STXBP5L: variants seen among roughly 807,000 people sequenced by gnomAD.
STXBP5L encodes the protein syntaxin-binding protein 5-like.
STXBP5L carries 65 observed loss-of-function variants against 144.5 expected under a neutral mutation model. The observed-to-expected ratio is 0.45, with a 90% CI of 0.37 to 0.55. The LOEUF is 0.55. STXBP5L is among the 20% of genes least tolerant of loss of function. STXBP5L has a pLI of 0.00. For synonymous variants in STXBP5L, 505 were observed against 469.6 expected (o/e 1.08, Z -0.97); for missense variants, 1,298 against 1,405.5 (o/e 0.92, Z 1.22).
At position 121,423,902 on chromosome 3, in the gene STXBP5L, A is replaced by G. The variant is rs1384223983; in HGVS notation, c.*4805A>G. On this transcript the variant is annotated 3_prime_UTR_variant, in exon 27 of 27. Coordinates refer to ENST00000471454, the MANE Select transcript of STXBP5L (RefSeq NM_001308330.2). ...CCAGGCAGTGCTCCATCAACTCTTA[A>G]TAATCATCTTTGTGATATTCTCCTA... is the stretch of plus-strand genomic sequence containing the variant. 2 of 152,234 alleles carry G rather than the reference A, an allele frequency of 1.3e-5. No homozygotes were observed. The highest frequency in any genetic ancestry group is 4.8e-5 in the African/African-American group (2 of 41,462). The allele number at this position is 152,234 out of a possible 1,614,324, so 9.4% of individuals were successfully genotyped here.
chr3:121,092,797 T>G (rs1227829015), intron 5 of STXBP5L, among the ~76,000 whole-genome samples: 1 of 152,188 alleles, frequency 6.6e-6, no homozygotes, highest in Non-Finnish European at 1.5e-5. Context: ...GGCCAGAACT[T>G]CCAACACCAT....
chr3:121,341,936 A>G (rs1057180323), intron 20 of STXBP5L, among the ~76,000 whole-genome samples: 3 of 152,038 alleles, frequency 2.0e-5, no homozygotes, highest in Non-Finnish European at 4.4e-5. Context: ...CTAGCACAAC[A>G]TGACTACAGT....
chr3:121,367,582 G>T, intron 20 of STXBP5L, among the ~76,000 whole-genome samples: 2 of 97,480 alleles, frequency 2.1e-5, no homozygotes, highest in Admixed American at 1.1e-4. Flanking sequence ...TTCTCTCTTT[G>T]TCTTCGACTC....
intron 5 of STXBP5L, among the ~76,000 whole-genome samples, chr3:121,087,159 CTGT>C (rs777092118): frequency 1.3e-5 from 2 of 151,912 alleles, no homozygotes; most frequent in Non-Finnish European, 2.9e-5. Flanking sequence ...GTCTATTTTG[CTGT>C]TGTTGACAGA....
chr3:121,071,747 A>G (rs2041820921), intron 5 of STXBP5L, among the ~76,000 whole-genome samples: 1 of 152,174 alleles, frequency 6.6e-6, no homozygotes, highest in African/African-American at 2.4e-5. Context: ...ACTCACCCTT[A>G]TATTTCCTGT....
intron 5 of STXBP5L, among the ~76,000 whole-genome samples, chr3:121,111,352 T>C (rs531342519): frequency 6.6e-6 from 1 of 152,336 alleles, no homozygotes; most frequent in East Asian, 1.9e-4. Flanking sequence ...TTTTCATTGA[T>C]TCTTTCTCAT....
At chr3:121,017,135 TA>T (rs560134679) in intron 3 of STXBP5L, among the ~76,000 whole-genome samples, 4 of 152,218 alleles carry the variant, frequency 2.6e-5, no homozygotes, top group Non-Finnish European at 5.9e-5. Flanking sequence ...CATTTAGCAT[TA>T]AAAAAATTAA....
rs1468644171 is a variant in STXBP5L at position 121,407,347 on chromosome 3, A to C, written c.2692A>C (p.Ile898Leu). 3 of 1,612,858 alleles carry C rather than the reference A, an allele frequency of 1.9e-6. No individual in the cohort carries two copies. The highest frequency in any genetic ancestry group is 2.5e-6 in the Non-Finnish European group (3 of 1,179,314). ...PYEVWRDPNN[I>L]DENEKSWRRK... Reference sequence around the variant, plus strand: ...TGAAGTTTGGAGGGATCCAAACAACATAGATGAAAATGAAAAATCTTGGAG... The same window carrying C: ...TGAAGTTTGGAGGGATCCAAACAACCTAGATGAAAATGAAAAATCTTGGAG... Residue 898 changes from isoleucine (I) to leucine (L), a missense_variant, in exon 23 of 27, where the codon ATA (isoleucine) becomes CTA (leucine). Coordinates refer to ENST00000471454, the MANE Select transcript of STXBP5L (RefSeq NM_001308330.2).
intron 21 of STXBP5L, 107 bp downstream of exon 21, chr3:121,378,993 C>T (rs2046261226): frequency 8.3e-7 from 1 of 1,206,804 alleles, no homozygotes; most frequent in African/African-American, 1.5e-5. Flanking sequence ...TGTTAAAAAA[C>T]TACTAATCAG....
At chr3:121,391,731 T>C (rs768755316) in intron 22 of STXBP5L, among the ~76,000 whole-genome samples, 12 of 152,144 alleles carry the variant, frequency 7.9e-5, no homozygotes, top group Non-Finnish European at 1.8e-4. Context: ...GAACAGCAAA[T>C]ATTGCAGAAC....
intron 18 of STXBP5L, among the ~76,000 whole-genome samples, chr3:121,260,279 G>A (rs2050341807): frequency 1.3e-5 from 2 of 152,032 alleles, no homozygotes; most frequent in Non-Finnish European, 2.9e-5. Flanking sequence ...GGCCTTCATA[G>A]AGATTTGTGA....
chr3:121,004,505 A>T (rs531720459), intron 3 of STXBP5L, among the ~76,000 whole-genome samples: 1 of 151,806 alleles, frequency 6.6e-6, no homozygotes, highest in Admixed American at 6.6e-5. Flanking sequence ...AACAGGGACA[A>T]TTTGACTTCC....
intron 5 of STXBP5L, among the ~76,000 whole-genome samples, chr3:121,087,650 T>C (rs142366329): frequency 0.018 from 2,805 of 152,170 alleles, 32 homozygotes; most frequent in Middle Eastern, 0.041. Context: ...TTTTAATTAA[T>C]GTTTACATTA....
At chr3:121,257,375 A>G in intron 17 of STXBP5L, 42 bp downstream of exon 17, 2 of 1,522,074 alleles carry the variant, frequency 1.3e-6, no homozygotes, top group East Asian at 2.3e-5. Context: ...TTAGATATTA[A>G]TCATATGTCT....
chr3:120,982,716 G>T (rs1941904066), intron 3 of STXBP5L, among the ~76,000 whole-genome samples: 1 of 152,202 alleles, frequency 6.6e-6, no homozygotes, highest in Non-Finnish European at 1.5e-5. Flanking sequence ...TTTTTGGCAT[G>T]TGCAAGTGCA....
intron 7 of STXBP5L, among the ~76,000 whole-genome samples, chr3:121,145,098 G>T (rs1218905348): frequency 6.6e-6 from 1 of 151,774 alleles, no homozygotes; most frequent in African/African-American, 2.4e-5. Flanking sequence ...GTGCAACATT[G>T]TATCTAGAGT....
chr3:121,085,786 C>G (rs1259174678), intron 5 of STXBP5L, among the ~76,000 whole-genome samples: 1 of 152,102 alleles, frequency 6.6e-6, no homozygotes, highest in Non-Finnish European at 1.5e-5. Context: ...TCCCATTAAA[C>G]TATTATTGAC....
intron 10 of STXBP5L, among the ~76,000 whole-genome samples, chr3:121,219,597 T>G (rs2048912756): frequency 1.3e-5 from 2 of 152,124 alleles, no homozygotes; most frequent in African/African-American, 4.8e-5. Flanking sequence ...TTTTATCCTC[T>G]TCAAGATAGG....
At chr3:120,990,812 G>C (rs374503723) in intron 3 of STXBP5L, among the ~76,000 whole-genome samples, 2,951 of 152,078 alleles carry the variant, frequency 0.019, 89 homozygotes, top group African/African-American at 0.066. Flanking sequence ...TTCCTTACAC[G>C]TTATACAAAA....
Sources: allele counts gnomAD v4.1 joint callset (sites outside exome capture counted in the v4.1 genomes callset), GRCh38; gene constraint gnomAD v4.1.1; transcripts MANE v1.5; gene names NCBI Gene and HGNC (gene_info 2026-07-23, HGNC 2026-07-21).